FBXL7: variants seen among roughly 807,000 people sequenced by gnomAD.
The protein encoded by FBXL7 is F-box and leucine rich repeat protein 7, also known as F-box/LRR-repeat protein 7.
A neutral mutation model predicts 38.3 loss-of-function variants in FBXL7; 12 were observed. The observed-to-expected ratio is 0.31, with a 90% CI of 0.20 to 0.51. FBXL7 has a LOEUF of 0.51. Among genes scored for constraint, FBXL7 ranks in the 20% least tolerant of loss-of-function variants. The probability of loss-of-function intolerance (pLI) is 0.98; values close to 1 mark genes in which losing one functional copy is unlikely to be tolerated. For missense variants in FBXL7, 567 were observed against 676.4 expected (o/e 0.84, Z 1.79); for synonymous variants, 297 against 300.9 (o/e 0.99, Z 0.13).
intron 2 of FBXL7, among the ~76,000 whole-genome samples, chr5:15,861,085 T>G (rs1207656611): frequency 6.6e-6 from 1 of 152,196 alleles, no homozygotes; most frequent in Admixed American, 6.5e-5. Context: ...CTGCATGTTT[T>G]GTGGCTTAAT....
chr5:15,507,383 G>GA (rs1292452229), intron 1 of FBXL7, among the ~76,000 whole-genome samples: 1 of 152,156 alleles, frequency 6.6e-6, no homozygotes, highest in African/African-American at 2.4e-5. Flanking sequence ...AAACAAAACA[G>GA]AAAATAGAGG....
intron 2 of FBXL7, among the ~76,000 whole-genome samples, chr5:15,824,112 A>G (rs540891312): frequency 1.3e-4 from 19 of 151,672 alleles, no homozygotes; most frequent in Admixed American, 2.6e-4. Flanking sequence ...CCTGACCAAC[A>G]TGGTGAAACC....
Position 15,895,890 on chromosome 5 carries a change from T to C in FBXL7, c.128-32000T>C, listed in dbSNP as rs58172920. On this transcript the variant is annotated intron_variant, in intron 2 of 3. Coordinates refer to ENST00000504595, the MANE Select transcript of FBXL7 (RefSeq NM_012304.5). Reference sequence around the variant, plus strand: ...CAATCTCCTGACCTCATGATCCACCTTCCTCAGCCTCCCAAAGTGCTGGGA... The same window carrying C: ...CAATCTCCTGACCTCATGATCCACCCTCCTCAGCCTCCCAAAGTGCTGGGA... 7.0e-3 allele frequency among the ~76,000 whole-genome samples: 1,066 copies of C among 151,890 alleles called. 20 individuals carry two copies. Among genetic ancestry groups the C allele is most frequent in the African/African-American group, 0.024 (1,012 of 41,416 alleles).
intron 2 of FBXL7, among the ~76,000 whole-genome samples, chr5:15,923,578 A>C (rs969057099): frequency 9.2e-5 from 14 of 152,198 alleles, no homozygotes; most frequent in African/African-American, 3.4e-4. Context: ...ATATCAAGAA[A>C]AGATATTTTG....
chr5:15,662,875 C>T (rs1474575526), intron 2 of FBXL7, among the ~76,000 whole-genome samples: 1 of 152,170 alleles, frequency 6.6e-6, no homozygotes, highest in East Asian at 1.9e-4. Flanking sequence ...GTTTTTGCAC[C>T]AGTACCATGC....
chr5:15,801,706 A>G (rs1314243680), intron 2 of FBXL7, among the ~76,000 whole-genome samples: 1 of 151,378 alleles, frequency 6.6e-6, no homozygotes, highest in Admixed American at 6.6e-5. Context: ...TTGCACATCA[A>G]CGTGGGACAG....
intron 2 of FBXL7, among the ~76,000 whole-genome samples, chr5:15,638,419 A>C (rs531727581): frequency 6.6e-6 from 1 of 152,340 alleles, no homozygotes; most frequent in South Asian, 2.1e-4. Flanking sequence ...CCATCCCTAG[A>C]AGCTGTTAGA....
intron 2 of FBXL7, among the ~76,000 whole-genome samples, chr5:15,659,985 G>A (rs1326408221): frequency 6.6e-6 from 1 of 152,172 alleles, no homozygotes; most frequent in Admixed American, 6.5e-5. Flanking sequence ...TAAACCAAAT[G>A]ACTATGAAAA....
chr5:15,850,487 A>G (rs569432678), intron 2 of FBXL7, among the ~76,000 whole-genome samples: 9 of 152,356 alleles, frequency 5.9e-5, no homozygotes, highest in African/African-American at 1.9e-4. Context: ...ACAGCCACAT[A>G]AACTATGACT....
At chr5:15,737,739 G>T (rs995889568) in intron 2 of FBXL7, among the ~76,000 whole-genome samples, 2 of 152,112 alleles carry the variant, frequency 1.3e-5, no homozygotes, top group Non-Finnish European at 2.9e-5. Context: ...AGCAGAGTTC[G>T]AGAGGACAAG....
intron 2 of FBXL7, among the ~76,000 whole-genome samples, chr5:15,867,853 C>T (rs1014997572): frequency 1.3e-5 from 2 of 152,216 alleles, no homozygotes; most frequent in South Asian, 4.1e-4. Context: ...TGCCTGTAAT[C>T]CCAGCACTGT....
At chr5:15,689,752 A>C (rs1407252768) in intron 2 of FBXL7, among the ~76,000 whole-genome samples, 1 of 152,200 alleles carries the variant, frequency 6.6e-6, no homozygotes, top group Non-Finnish European at 1.5e-5. Context: ...CAGTCTTTTA[A>C]AATTTTGCAG....
intron 2 of FBXL7, among the ~76,000 whole-genome samples, chr5:15,914,255 G>A (rs1380934925): frequency 2.0e-5 from 3 of 152,006 alleles, no homozygotes; most frequent in Non-Finnish European, 4.4e-5. Context: ...GCGTGGTGGC[G>A]GGTGCCTGTA....
At chr5:15,796,206 A>C (rs2126736195) in intron 2 of FBXL7, among the ~76,000 whole-genome samples, 1 of 152,346 alleles carries the variant, frequency 6.6e-6, no homozygotes, top group East Asian at 1.9e-4. Context: ...ATAAGAGCAC[A>C]ATTTCCAATA....
intron 1 of FBXL7, among the ~76,000 whole-genome samples, chr5:15,546,158 A>T (rs912481577): frequency 9.2e-5 from 14 of 152,224 alleles, no homozygotes; most frequent in African/African-American, 3.4e-4. Context: ...GGACAGATGC[A>T]GTGACTCACG....
chr5:15,922,438 T>C (rs1741768157), intron 2 of FBXL7, among the ~76,000 whole-genome samples: 2 of 152,162 alleles, frequency 1.3e-5, no homozygotes, highest in Admixed American at 1.3e-4. Context: ...AGGGATGCTG[T>C]GGGTGATATC....
intron 2 of FBXL7, among the ~76,000 whole-genome samples, chr5:15,690,485 C>T (rs914413993): frequency 2.6e-5 from 4 of 152,040 alleles, no homozygotes; most frequent in African/African-American, 9.7e-5. Context: ...GTATAATGAT[C>T]AAATCAGGGA....
intron 2 of FBXL7, among the ~76,000 whole-genome samples, chr5:15,784,180 G>A (rs1737074793): frequency 6.6e-6 from 1 of 152,104 alleles, no homozygotes; most frequent in South Asian, 2.1e-4. Flanking sequence ...AACATGAGAG[G>A]AAGGGCTATC....
At chr5:15,897,279 G>T (rs139353864) in intron 2 of FBXL7, among the ~76,000 whole-genome samples, 7 of 152,250 alleles carry the variant, frequency 4.6e-5, no homozygotes, top group African/African-American at 1.4e-4. Context: ...TAGAAAGAAA[G>T]ATTTTAAGGA....
Sources: allele counts gnomAD v4.1 joint callset (sites outside exome capture counted in the v4.1 genomes callset), GRCh38; gene constraint gnomAD v4.1.1; transcripts MANE v1.5; gene names NCBI Gene and HGNC (gene_info 2026-07-23, HGNC 2026-07-21).